MEGF11: variants seen among roughly 807,000 people sequenced by gnomAD.
MEGF11 encodes the protein multiple epidermal growth factor-like domains protein 11.
MEGF11 carries 126 observed loss-of-function variants against 146.6 expected under a neutral mutation model. The ratio of observed to expected loss-of-function variants is 0.86; its 90% CI spans 0.74 to 1.00. The LOEUF is 1.00. Among genes scored for constraint, MEGF11 ranks in the 50% least tolerant of loss-of-function variants. The probability of loss-of-function intolerance (pLI) is 0.00; values close to 1 mark genes in which losing one functional copy is unlikely to be tolerated. For synonymous variants in MEGF11, 532 were observed against 583.4 expected (o/e 0.91, Z 1.27); for missense variants, 1,509 against 1,521.2 (o/e 0.99, Z 0.13).
intron 1 of MEGF11, among the ~76,000 whole-genome samples, chr15:66,209,706 G>T (rs1482929176): frequency 6.6e-6 from 1 of 151,772 alleles, no homozygotes; most frequent in East Asian, 1.9e-4. Context: ...TTCTTGAAAT[G>T]AGAATATAAT....
intron 7 of MEGF11, among the ~76,000 whole-genome samples, chr15:65,979,897 T>A (rs1322864009): frequency 6.6e-6 from 1 of 152,162 alleles, no homozygotes; most frequent in African/African-American, 2.4e-5. Flanking sequence ...CTTTGAGACC[T>A]GAATTTAGGC....
chr15:66,080,560 C>G (rs180747361), intron 5 of MEGF11, among the ~76,000 whole-genome samples: 1 of 152,232 alleles, frequency 6.6e-6, no homozygotes, highest in Non-Finnish European at 1.5e-5. Context: ...CTGAACCCCC[C>G]ATTTGGTCCT....
chr15:65,907,228 G>T (rs144200959), intron 23 of MEGF11, among the ~76,000 whole-genome samples: 1 of 152,122 alleles, frequency 6.6e-6, no homozygotes, highest in African/African-American at 2.4e-5. Context: ...ATCTGCCTAC[G>T]TTCCACATAT....
chr15:65,978,281 C>T (rs770827500), intron 7 of MEGF11, among the ~76,000 whole-genome samples: 8 of 152,250 alleles, frequency 5.3e-5, no homozygotes, highest in African/African-American at 9.6e-5. Flanking sequence ...GGTCCCAGCT[C>T]TCCCTGGGAG....
intron 1 of MEGF11, among the ~76,000 whole-genome samples, chr15:66,234,002 C>T (rs996420532): frequency 8.0e-6 from 1 of 125,244 alleles, no homozygotes; most frequent in African/African-American, 3.2e-5. Flanking sequence ...CAGGCTGGAT[C>T]TCAGCTCACT....
At chr15:65,996,286 G>A (rs140361793) in intron 5 of MEGF11, among the ~76,000 whole-genome samples, 56 of 152,326 alleles carry the variant, frequency 3.7e-4, no homozygotes, top group African/African-American at 1.3e-3. Flanking sequence ...ATTGTGGGGT[G>A]CAAATGAGTG....
intron 5 of MEGF11, among the ~76,000 whole-genome samples, chr15:66,017,309 G>A (rs756564641): frequency 1.3e-5 from 2 of 152,190 alleles, no homozygotes; most frequent in African/African-American, 2.4e-5. Context: ...GCTAATGATG[G>A]TGACAATAGG....
At chr15:65,915,187 A>G (rs1171922699) in intron 19 of MEGF11, among the ~76,000 whole-genome samples, 1 of 152,190 alleles carries the variant, frequency 6.6e-6, no homozygotes, top group Admixed American at 6.5e-5. Flanking sequence ...CAGATATTCT[A>G]ACTTGGTCTG....
At chr15:65,902,451 T>A (rs144573120) in intron 24 of MEGF11, 214 of 152,270 alleles carry the variant, frequency 1.4e-3, no homozygotes, top group African/African-American at 4.9e-3. Context: ...CCATCTCTAC[T>A]GGGACTGGAG....
At chr15:66,149,507 C>A (rs1342885093) in intron 1 of MEGF11, among the ~76,000 whole-genome samples, 1 of 152,168 alleles carries the variant, frequency 6.6e-6, no homozygotes, top group Non-Finnish European at 1.5e-5. Context: ...TGGATCTCTT[C>A]AGCCTATCTT....
intron 1 of MEGF11, among the ~76,000 whole-genome samples, chr15:66,183,735 G>A (rs957569351): frequency 6.6e-6 from 1 of 152,092 alleles, no homozygotes; most frequent in Admixed American, 6.5e-5. Context: ...GGGATCCTGT[G>A]AAAATGCAGA....
chr15:65,915,339 C>A, intron 19 of MEGF11, 131 bp downstream of exon 19: 1 of 1,256,920 alleles, frequency 8.0e-7, no homozygotes, highest in Non-Finnish European at 1.1e-6. Flanking sequence ...GCAGCCCACC[C>A]TATTCCTGCT....
chr15:66,033,513 G>A (rs182740278), intron 5 of MEGF11, among the ~76,000 whole-genome samples: 16 of 152,356 alleles, frequency 1.1e-4, no homozygotes, highest in East Asian at 9.6e-4. Context: ...CCTTGGTGGC[G>A]TCCATGTGGT....
intron 9 of MEGF11, among the ~76,000 whole-genome samples, chr15:65,958,844 A>C (rs1362176206): frequency 6.6e-6 from 1 of 152,206 alleles, no homozygotes; most frequent in Non-Finnish European, 1.5e-5. Context: ...CTAACACACC[A>C]AAGAAGTGCT....
At chr15:65,912,385 CT>C (rs971302188) in intron 20 of MEGF11, 185 bp from the exon 21 acceptor site, 1 of 383,674 alleles carries the variant, frequency 2.6e-6, no homozygotes, top group Non-Finnish European at 4.6e-6. Context: ...TGATTTGCTC[CT>C]TCCCTTACGC....
rs1350217684 is a variant in MEGF11, at chr15:65,982,194, T to C, written c.641+48A>G. 10 of 1,395,806 alleles carry C rather than the reference T, an allele frequency of 7.2e-6. No individual in the cohort carries two copies. The highest frequency in any genetic ancestry group is 2.5e-4 in the Middle Eastern group (1 of 3,982). 86.5% of individuals were successfully genotyped at this position (1,395,806 alleles called of 1,614,324 possible). A position where few individuals can be genotyped will look rare whatever the true frequency, so the allele number is the denominator to read the frequency against. The stretch of plus-strand genomic sequence containing the variant: ...CCTCCCCACCCAGGCACCCTCCAGG[T>C]CCCGCCCCTCCAGGTCCCGCCCCTC... On this transcript the variant is annotated intron_variant, in intron 6 of 25. Transcript: ENST00000395614. The surrounding 1 kb of genome is among the most constrained non-coding windows in gnomAD (Gnocchi z 5.6).
chr15:66,141,289 T>TGTGTGTGTGAGAGA (rs1555475806), intron 1 of MEGF11, among the ~76,000 whole-genome samples: 2 of 101,198 alleles, frequency 2.0e-5, no homozygotes, highest in African/African-American at 8.1e-5. Context: ...TGTGTGTGTG[T>TGTGTGTGTGAGAGA]GAGAGAGAGA....
At chr15:65,923,603 C>T (rs2079253950) in intron 13 of MEGF11, among the ~76,000 whole-genome samples, 1 of 152,202 alleles carries the variant, frequency 6.6e-6, no homozygotes. Flanking sequence ...ATTACATTTA[C>T]TGTCACTATG....
chr15:65,915,883 T>TAA (rs149976579), intron 18 of MEGF11, among the ~76,000 whole-genome samples: 1 of 149,648 alleles, frequency 6.7e-6, no homozygotes. Flanking sequence ...TAAAGAATAA[T>TAA]AAAAAAAAAA....
Sources: allele counts gnomAD v4.1 joint callset (sites outside exome capture counted in the v4.1 genomes callset), GRCh38; gene constraint gnomAD v4.1.1; non-coding constraint Gnocchi (gnomAD v3.1); transcripts MANE v1.5; gene names NCBI Gene and HGNC (gene_info 2026-07-23, HGNC 2026-07-21).